The following ZRANB3 variants were observed in gnomAD, a reference collection of about 807,000 sequenced individuals.
ZRANB3 encodes zinc finger RANBP2-type containing 3.
A neutral mutation model predicts 133.8 loss-of-function variants in ZRANB3; 125 were observed. That is an observed-to-expected ratio of 0.93 (90% CI 0.81 to 1.08). The LOEUF is 1.08. ZRANB3 is among the 50% of genes least tolerant of loss of function. The pLI, the probability that ZRANB3 is intolerant of heterozygous loss-of-function variation, is 0.00. For synonymous variants in ZRANB3, 387 were observed against 432.7 expected (o/e 0.89, Z 1.31); for missense variants, 1,229 against 1,275.5 (o/e 0.96, Z 0.56).
At chr2:135,401,397 C>T (rs1398492841) in intron 2 of ZRANB3, among the ~76,000 whole-genome samples, 5 of 152,216 alleles carry the variant, frequency 3.3e-5, no homozygotes, top group East Asian at 1.9e-4. Flanking sequence ...AATCATCCCT[C>T]GATAAAAACG....
rs374460996 is a variant in ZRANB3, at chr2:135,207,475, G to T, written c.2968C>A (p.Leu990Ile). The change falls in exon 19 of 21, where the codon CTT becomes ATT. Residue 990 changes from leucine (L) to isoleucine (I), a missense_variant. Transcript: ENST00000264159. Reference protein sequence around the residue: ...RDAPKSQRKNLLYATWTSKLP... With the variant: ...RDAPKSQRKNILYATWTSKLP... ...TTTGAAGTCCAGGTAGCATACAGAA[G>T]ATTCTTCCTCTGACTTTTAGGGGCA... 2.0e-5 allele frequency: 33 copies of T among 1,613,756 alleles called. No individual in the cohort carries two copies. Among genetic ancestry groups the T allele is most frequent in the Non-Finnish European group, 2.8e-5 (33 of 1,179,798 alleles).
chr2:135,444,652 T>C (rs1226605461), intron 2 of ZRANB3, among the ~76,000 whole-genome samples: 3 of 152,178 alleles, frequency 2.0e-5, no homozygotes, highest in Non-Finnish European at 4.4e-5. Context: ...TGACTAGGTC[T>C]GGAGGTGGGG....
At position 135,400,101 on chromosome 2, in the gene ZRANB3, G is replaced by A. The variant is rs1346754062; in HGVS notation, c.162-9281C>T. Among the ~76,000 whole-genome samples, 5 of 151,962 alleles carry A rather than the reference G, an allele frequency of 3.3e-5. 1 individual carries two copies. The highest frequency in any genetic ancestry group is 3.9e-4 in the East Asian group (2 of 5,160). On this transcript the variant is annotated intron_variant, in intron 2 of 20. Transcript: ENST00000264159. ...CTGAGAGTACAAAAATTAGCCGAGC[G>A]TGGAAGCGGGCTCCTATAATCCCAG...
intron 2 of ZRANB3, among the ~76,000 whole-genome samples, chr2:135,489,666 G>A (rs142702853): frequency 8.6e-4 from 131 of 151,706 alleles, no homozygotes; most frequent in African/African-American, 3.1e-3. Flanking sequence ...AAACTGAAAT[G>A]AAGGCCAAAT....
chr2:135,389,417 A>G (rs561624202), intron 3 of ZRANB3, among the ~76,000 whole-genome samples: 53 of 152,294 alleles, frequency 3.5e-4, no homozygotes, highest in Middle Eastern at 6.8e-3. Context: ...CCTTAAAAAC[A>G]GACTACAGGC....
At chr2:135,244,906 G>A (rs981740392) in intron 12 of ZRANB3, among the ~76,000 whole-genome samples, 8 of 152,180 alleles carry the variant, frequency 5.3e-5, no homozygotes, top group Non-Finnish European at 1.0e-4. Flanking sequence ...GGTAGTTTAT[G>A]AACAGTGGCA....
At chr2:135,356,817 A>T (rs1685458657) in intron 3 of ZRANB3, among the ~76,000 whole-genome samples, 1 of 151,716 alleles carries the variant, frequency 6.6e-6, no homozygotes, top group South Asian at 2.1e-4. Context: ...CAATCCTCCT[A>T]GCTCAGCCCC....
In ZRANB3 at chr2:135,271,785, T is replaced by A. The variant is rs943258569; in HGVS notation, c.1189A>T (p.Ile397Phe). ...DPDTRVAILSIQAAGQGLTFT... is the reference protein window; with the variant it reads ...DPDTRVAILSFQAAGQGLTFT... The stretch of plus-strand genomic sequence containing the variant: ...TTTCTTACCTGGCCAGCAGCCTGAA[T>A]GCTTAGGATAGCCACGCGAGTGTCA... Residue 397 changes from isoleucine to phenylalanine, a missense_variant, in exon 10 of 21, where the codon ATT becomes TTT. Coordinates refer to ENST00000264159, the MANE Select transcript of ZRANB3 (RefSeq NM_032143.4). 6.2e-7 allele frequency: 1 copy of A among 1,612,394 alleles called. No individual in the cohort carries two copies.
chr2:135,292,141 C>T lies in ZRANB3; in HGVS notation c.967-16386G>A, dbSNP rs1176646894. Among the ~76,000 whole-genome samples the T allele has an allele frequency of 3.3e-5, 5 of 152,210 alleles. No individual in the cohort carries two copies. In the East Asian group the frequency reaches 5.8e-4, roughly 18 times the overall value. On this transcript the variant is annotated intron_variant, in intron 8 of 20. Coordinates refer to ENST00000264159, the MANE Select transcript of ZRANB3 (RefSeq NM_032143.4). The stretch of plus-strand genomic sequence containing the variant: ...TGGGATGGCTGGGTCAAATGGTATT[C>T]CCAGTTCTAGATCCCTGAGGAATCA...
At chr2:135,368,039 GTC>G (rs1686013940) in intron 3 of ZRANB3, among the ~76,000 whole-genome samples, 1 of 152,044 alleles carries the variant, frequency 6.6e-6, no homozygotes, top group Non-Finnish European at 1.5e-5. Flanking sequence ...AAAGAGCACA[GTC>G]TGTCAATTAT....
chr2:135,446,104 G>T (rs1690010126), intron 2 of ZRANB3, among the ~76,000 whole-genome samples: 2 of 151,706 alleles, frequency 1.3e-5, no homozygotes, highest in Admixed American at 1.3e-4. Flanking sequence ...AACTTGGGAG[G>T]CTGAGGCAAG....
At chr2:135,293,269 A>C (rs1191615064) in intron 8 of ZRANB3, among the ~76,000 whole-genome samples, 4 of 151,848 alleles carry the variant, frequency 2.6e-5, no homozygotes, top group African/African-American at 4.8e-5. Flanking sequence ...CTTTTATTTC[A>C]TTGAGCAGTG....
At chr2:135,313,389 G>T in intron 8 of ZRANB3, 100 bp downstream of exon 8, 1,458 of 547,766 alleles carry the variant, frequency 2.7e-3, no homozygotes, top group Non-Finnish European at 4.1e-3. Flanking sequence ...CAATAGCAAA[G>T]AAATTCTGCA....
At chr2:135,275,962 T>A (rs1271129750) in intron 8 of ZRANB3, among the ~76,000 whole-genome samples, 1 of 151,838 alleles carries the variant, frequency 6.6e-6, no homozygotes, top group Non-Finnish European at 1.5e-5. Context: ...AACTGAGCAA[T>A]TAAATGAGAA....
intron 2 of ZRANB3, among the ~76,000 whole-genome samples, chr2:135,502,424 T>C (rs559126874): frequency 1.1e-4 from 17 of 152,338 alleles, no homozygotes; most frequent in African/African-American, 3.4e-4. Flanking sequence ...AGTCTAGCTA[T>C]GAAAAAGGGA....
At chr2:135,451,559 C>T (rs756223458) in intron 2 of ZRANB3, among the ~76,000 whole-genome samples, 14 of 150,108 alleles carry the variant, frequency 9.3e-5, no homozygotes, top group Non-Finnish European at 1.3e-4. Flanking sequence ...GAGACTCCAT[C>T]TCAAAAAAAC....
intron 15 of ZRANB3, among the ~76,000 whole-genome samples, chr2:135,220,858 A>ATT (rs1188098230): frequency 7.1e-6 from 1 of 140,650 alleles, no homozygotes; most frequent in Non-Finnish European, 1.6e-5. Flanking sequence ...CTAGGAATTT[A>ATT]TTTTTTTTTT....
At position 135,375,389 on chromosome 2, in the gene ZRANB3, C is replaced by T. The variant is rs144376482; in HGVS notation, c.180+15413G>A. ...CCAACATGGGGAAACCCCATCTCTA[C>T]TAAAAACACAAAGTGGCCGGGCACG... On this transcript the variant is annotated intron_variant, in intron 3 of 20. Coordinates refer to ENST00000264159, the MANE Select transcript of ZRANB3 (RefSeq NM_032143.4). Among the ~76,000 whole-genome samples, 209 of 152,074 alleles carry T rather than the reference C, an allele frequency of 1.4e-3. 1 individual carries two copies. In the East Asian group the frequency reaches 0.027, roughly 20 times the overall value.
chr2:135,384,087 A>G (rs1574011865), intron 3 of ZRANB3, among the ~76,000 whole-genome samples: 1 of 152,346 alleles, frequency 6.6e-6, no homozygotes, highest in South Asian at 2.1e-4. Flanking sequence ...CAAAATTGAT[A>G]GACCACTGGC....
Sources: allele counts gnomAD v4.1 joint callset (sites outside exome capture counted in the v4.1 genomes callset), GRCh38; gene constraint gnomAD v4.1.1; transcripts MANE v1.5; gene names NCBI Gene and HGNC (gene_info 2026-07-23, HGNC 2026-07-21).